CSGALNACT1: variants seen among roughly 807,000 people sequenced by gnomAD.
CSGALNACT1 encodes chondroitin sulfate N-acetylgalactosaminyltransferase 1.
A neutral mutation model predicts 51.0 loss-of-function variants in CSGALNACT1; 52 were observed. The observed-to-expected ratio is 1.02, with a 90% CI of 0.82 to 1.29. The LOEUF (loss-of-function observed/expected upper bound fraction) is 1.29, where lower values mean the gene tolerates loss of function less well. Ranked by LOEUF, CSGALNACT1 falls within the 50% of genes most tolerant of loss-of-function variation. The pLI is 0.00. For synonymous variants in CSGALNACT1, 341 were observed against 254.4 expected (o/e 1.34, Z -3.24); for missense variants, 935 against 679.2 (o/e 1.38, Z -4.19).
intron 8 of CSGALNACT1, among the ~76,000 whole-genome samples, chr8:19,413,339 C>G (rs1468883864): frequency 6.6e-6 from 1 of 152,124 alleles, no homozygotes; most frequent in East Asian, 1.9e-4. Context: ...GTGTGGCACT[C>G]GAGTTCTCAC....
At position 19,601,752 on chromosome 8, in the gene CSGALNACT1, A is replaced by G. The variant is rs749800819; in HGVS notation, c.-416+19T>C. 8 of 448,808 alleles carry G rather than the reference A, an allele frequency of 1.8e-5. No individual in the cohort carries two copies. The highest frequency in any genetic ancestry group is 2.7e-5 in the Non-Finnish European group (6 of 224,878). The allele number at this position is 448,808 out of a possible 1,614,324, so 27.8% of individuals were successfully genotyped here. A position where few individuals can be genotyped will look rare whatever the true frequency, so the allele number is the denominator to read the frequency against. On this transcript the variant is annotated intron_variant, in intron 2 of 9. Coordinates refer to ENST00000454498, the Ensembl canonical transcript of CSGALNACT1. Reference sequence around the variant, plus strand: ...AGACCATGCAAAGGTTTGTTTCTTGAGTGAAAATGCTCACTTACCTGGGGG... The same window carrying G: ...AGACCATGCAAAGGTTTGTTTCTTGGGTGAAAATGCTCACTTACCTGGGGG...
rs527840866 is a variant in CSGALNACT1 at position 19,680,529 on chromosome 8, C to G, written c.-544+1944G>C. 1.0e-4 allele frequency among the ~76,000 whole-genome samples: 15 copies of G among 143,418 alleles called. No individual in the cohort carries two copies. The East Asian group carries it at 1.8e-3, about 18-fold the overall frequency. 94.1% of individuals were successfully genotyped at this position (143,418 alleles called of 152,430 possible). ...AGAGATCACACCACTGCACTCCAGC[C>G]TGGGCAACAAAGGAAGAATCTGCAC... On this transcript the variant is annotated intron_variant, in intron 1 of 9. Transcript: ENST00000332246.
chr8:19,676,108 A>AAAAAAC, intron 1 of CSGALNACT1, among the ~76,000 whole-genome samples: 1 of 151,072 alleles, frequency 6.6e-6, no homozygotes, highest in Non-Finnish European at 1.5e-5. Flanking sequence ...AAACAAAAAA[A>AAAAAAC]ACTCCCAGAT....
intron 4 of CSGALNACT1, among the ~76,000 whole-genome samples, chr8:19,488,219 G>A (rs1356334953): frequency 6.6e-6 from 1 of 151,726 alleles, no homozygotes; most frequent in Non-Finnish European, 1.5e-5. Context: ...GTGTGGTGGT[G>A]TGCACCTATA....
Position 19,477,094 on chromosome 8 carries a change from G to T in CSGALNACT1, c.635-18452C>A, listed in dbSNP as rs1007182489. Among the ~76,000 whole-genome samples the T allele has an allele frequency of 1.6e-4, 25 of 152,212 alleles. 1 individual carries two copies. Among genetic ancestry groups the T allele is most frequent in the Non-Finnish European group, 3.2e-4 (22 of 68,034 alleles). On this transcript the variant is annotated intron_variant, in intron 4 of 9. Transcript: ENST00000454498. ...ACATGTAATTGATCATTACTGGCAG[G>T]CAGAAGTTTTGCTGTATGTTCTCTG...
At chr8:19,461,167 A>G (rs1483058328) in intron 4 of CSGALNACT1, among the ~76,000 whole-genome samples, 1 of 152,236 alleles carries the variant, frequency 6.6e-6, no homozygotes, top group South Asian at 2.1e-4. Flanking sequence ...AAAGATTTCA[A>G]AGTCCCAGAG....
In CSGALNACT1 at chr8:19,505,920, G is replaced by A. The variant is rs778982820; in HGVS notation, c.-86C>T. 2.6e-6 allele frequency: 4 copies of A among 1,557,212 alleles called. No individual in the cohort carries two copies. The East Asian group carries it at 9.0e-5, about 35-fold the overall frequency. On this transcript the variant is annotated 5_prime_UTR_variant, in exon 4 of 10. Coordinates refer to ENST00000454498, the Ensembl canonical transcript of CSGALNACT1. ...AGGGCTTCCCTGGGCTAGACCACAG[G>A]AAGCATGCGTTTGGGGCCCCCGGAG...
chr8:19,746,874 G>A (rs1266995631), intron 1 of CSGALNACT1, among the ~76,000 whole-genome samples: 2 of 152,214 alleles, frequency 1.3e-5, no homozygotes, highest in African/African-American at 2.4e-5. Context: ...CCTACACGAT[G>A]GAGAGCAAGG....
intron 1 of CSGALNACT1, among the ~76,000 whole-genome samples, chr8:19,716,354 T>C (rs939519646): frequency 2.6e-5 from 4 of 152,164 alleles, no homozygotes; most frequent in Admixed American, 6.6e-5. Context: ...TAATAGAAGA[T>C]ATGATCTTCC....
intron 1 of CSGALNACT1, among the ~76,000 whole-genome samples, chr8:19,651,064 G>A (rs941386765): frequency 1.4e-4 from 21 of 152,172 alleles, no homozygotes; most frequent in Admixed American, 6.5e-4. Flanking sequence ...GGGCCTTGAT[G>A]TGATCAACTG....
intron 1 of CSGALNACT1, among the ~76,000 whole-genome samples, chr8:19,634,918 T>C (rs1005222181): frequency 6.6e-6 from 1 of 152,186 alleles, no homozygotes; most frequent in Non-Finnish European, 1.5e-5. Context: ...CACAATGTAA[T>C]ATAATGATGA....
chr8:19,448,070 T>C (rs1004916561), intron 5 of CSGALNACT1, among the ~76,000 whole-genome samples: 1 of 152,116 alleles, frequency 6.6e-6, no homozygotes, highest in East Asian at 1.9e-4. Flanking sequence ...GTACAGCCAG[T>C]GGAGGTTGAA....
chr8:19,678,474 G>A (rs2060356843), intron 1 of CSGALNACT1: 1 of 152,162 alleles, frequency 6.6e-6, no homozygotes, highest in Non-Finnish European at 1.5e-5. Context: ...AGCAGTTACT[G>A]ATTATGTCTG....
chr8:19,425,783 A>C (rs556087353), intron 6 of CSGALNACT1, among the ~76,000 whole-genome samples: 2 of 152,230 alleles, frequency 1.3e-5, no homozygotes, highest in Admixed American at 1.3e-4. Context: ...ACGACTCACC[A>C]AGGTGTGGGC....
chr8:19,569,565 T>C (rs2042576063), intron 3 of CSGALNACT1, among the ~76,000 whole-genome samples: 1 of 152,162 alleles, frequency 6.6e-6, no homozygotes, highest in Non-Finnish European at 1.5e-5. Flanking sequence ...TTTTTTAGCA[T>C]TACGAGTTGG....
At chr8:19,636,313 G>T (rs1484128249) in intron 1 of CSGALNACT1, among the ~76,000 whole-genome samples, 1 of 151,950 alleles carries the variant, frequency 6.6e-6, no homozygotes, top group Non-Finnish European at 1.5e-5. Flanking sequence ...CTTTATCATA[G>T]ATAAGTATAT....
intron 4 of CSGALNACT1, among the ~76,000 whole-genome samples, chr8:19,492,204 C>T (rs528633384): frequency 3.3e-5 from 5 of 152,184 alleles, no homozygotes; most frequent in African/African-American, 7.2e-5. Flanking sequence ...CAGAGAAGCA[C>T]GTATCTAAGG....
intron 1 of CSGALNACT1, among the ~76,000 whole-genome samples, chr8:19,740,837 G>C (rs1038537898): frequency 1.3e-5 from 2 of 152,206 alleles, no homozygotes; most frequent in African/African-American, 4.8e-5. Context: ...GAATGTTCTA[G>C]ATGCTTATGG....
At chr8:19,569,148 C>T (rs185320631) in intron 3 of CSGALNACT1, among the ~76,000 whole-genome samples, 2 of 152,264 alleles carry the variant, frequency 1.3e-5, no homozygotes, top group East Asian at 3.9e-4. Flanking sequence ...TACCATTAGC[C>T]AGATGGGCGT....
Sources: allele counts gnomAD v4.1 joint callset (sites outside exome capture counted in the v4.1 genomes callset), GRCh38; gene constraint gnomAD v4.1.1; transcripts MANE v1.5; gene names NCBI Gene and HGNC (gene_info 2026-07-23, HGNC 2026-07-21).